The following SVOP variants were observed in gnomAD, a reference collection of about 807,000 sequenced individuals.
SVOP encodes SV2 related protein.
SVOP carries 17 observed loss-of-function variants against 69.1 expected under a neutral mutation model. The ratio of observed to expected loss-of-function variants is 0.25; its 90% CI spans 0.17 to 0.37. The LOEUF is 0.37. SVOP is among the 10% of genes least tolerant of loss of function. The probability of loss-of-function intolerance (pLI) is 1.00; values close to 1 mark genes in which losing one functional copy is unlikely to be tolerated. For synonymous variants in SVOP, 238 were observed against 238.6 expected, an observed-to-expected ratio of 1.00 and a Z score of 0.02; for missense variants, 435 against 597.5, an observed-to-expected ratio of 0.73 and a Z score of 2.84.
intron 1 of SVOP, among the ~76,000 whole-genome samples, chr12:109,001,000 T>A (rs1032764861): frequency 1.3e-5 from 2 of 151,604 alleles, no homozygotes; most frequent in African/African-American, 4.9e-5. Context: ...GGTATTCAAT[T>A]AGGAAAAGAG....
In SVOP at chr12:109,018,010, G is replaced by A. The variant is rs558284969; in HGVS notation, c.35+2824C>T. On this transcript the variant is annotated intron_variant, in intron 1 of 15. Coordinates refer to ENST00000610966, the MANE Select transcript of SVOP (RefSeq NM_018711.5). ...ATTGGACATTGCAGCTCTAGATTGC[G>A]AGGTGCTTAAGCGCAAGAACCATTC... Among the ~76,000 whole-genome samples the A allele has an allele frequency of 1.0e-3, 153 of 152,180 alleles. 4 individuals carry two copies. The highest frequency in any genetic ancestry group is 3.4e-3 in the Middle Eastern group (1 of 294).
intron 6 of SVOP, among the ~76,000 whole-genome samples, chr12:108,952,381 T>C (rs1593188662): frequency 6.6e-6 from 1 of 151,844 alleles, no homozygotes. Flanking sequence ...ATTACAGGTG[T>C]GCACCACCAC....
At chr12:108,972,929 T>C (rs1048718142) in intron 4 of SVOP, among the ~76,000 whole-genome samples, 5 of 152,138 alleles carry the variant, frequency 3.3e-5, no homozygotes, top group Admixed American at 6.5e-5. Flanking sequence ...AAACCACTCA[T>C]TGTGTGGGAG....
intron 14 of SVOP, among the ~76,000 whole-genome samples, chr12:108,917,781 T>C (rs2039722981): frequency 6.6e-6 from 1 of 152,146 alleles, no homozygotes; most frequent in African/African-American, 2.4e-5. Context: ...TAGCTGGAAC[T>C]ACAGGTGTGC....
intron 1 of SVOP, among the ~76,000 whole-genome samples, chr12:108,988,618 T>C (rs1370864007): frequency 6.6e-6 from 1 of 152,202 alleles, no homozygotes; most frequent in African/African-American, 2.4e-5. Context: ...CCCAAGTAAG[T>C]AGTAGTAAGT....
At chr12:108,922,620 G>A in intron 12 of SVOP, 70 bp downstream of exon 12, 2 of 1,179,952 alleles carry the variant, frequency 1.7e-6, no homozygotes, top group Non-Finnish European at 2.5e-6. Flanking sequence ...GGTAGACAGA[G>A]CCACCAGCTG....
chr12:108,909,359 T>C lies in SVOP; in HGVS notation c.*3176A>G, dbSNP rs58655386. On this transcript the variant is annotated 3_prime_UTR_variant, in exon 16 of 16. Coordinates refer to ENST00000610966, the MANE Select transcript of SVOP (RefSeq NM_018711.5). ...GGTGAAACCTTGTCTATACTAAAAATACAAAAATTAGCCAAGCATCAAGGC... is the reference window on the plus strand; with the variant it reads ...GGTGAAACCTTGTCTATACTAAAAACACAAAAATTAGCCAAGCATCAAGGC... 1 of 150,986 alleles carries C rather than the reference T, an allele frequency of 6.6e-6. No homozygotes were observed. Among genetic ancestry groups the C allele is most frequent in the African/African-American group, 2.4e-5 (1 of 40,912 alleles). 9.4% of individuals were successfully genotyped at this position (150,986 alleles called of 1,614,324 possible).
At chr12:108,973,266 C>A (rs2040089052) in intron 4 of SVOP, among the ~76,000 whole-genome samples, 1 of 152,158 alleles carries the variant, frequency 6.6e-6, no homozygotes, top group South Asian at 2.1e-4. Context: ...GAGGGGAGGG[C>A]ACAGATTCAG....
chr12:108,942,787 C>T lies in SVOP; in HGVS notation c.643-1878G>A, dbSNP rs371433082. 3.1e-4 allele frequency among the ~76,000 whole-genome samples: 47 copies of T among 152,306 alleles called. No individual in the cohort carries two copies. The East Asian group carries it at 5.4e-3, about 18-fold the overall frequency. On this transcript the variant is annotated intron_variant, in intron 7 of 15. Transcript: ENST00000610966. Reference sequence around the variant, plus strand: ...TTTGTTTGTTGTTGTTGTTTTGAGACGGAGTCTCACTCTGTTGCCCAGGCT... The same window carrying T: ...TTTGTTTGTTGTTGTTGTTTTGAGATGGAGTCTCACTCTGTTGCCCAGGCT...
At position 109,016,830 on chromosome 12, in the gene SVOP, A is replaced by G. The variant is rs1593212128; in HGVS notation, c.35+4004T>C. 1.3e-5 allele frequency among the ~76,000 whole-genome samples: 2 copies of G among 149,240 alleles called. 1 individual carries two copies. Among genetic ancestry groups the G allele is most frequent in the Middle Eastern group, 6.4e-3 (2 of 314 alleles). ...TGATCATGGCTCATTGCAGCCTTGA[A>G]CCCCCAGGCTCAAGCAATCCTCCTG... On this transcript the variant is annotated intron_variant, in intron 1 of 15. Transcript: ENST00000610966.
intron 5 of SVOP, among the ~76,000 whole-genome samples, chr12:108,963,955 C>T (rs2040031293): frequency 6.6e-6 from 1 of 152,188 alleles, no homozygotes; most frequent in African/African-American, 2.4e-5. Flanking sequence ...TGTTATTGAT[C>T]TTCCAATTAA....
intron 1 of SVOP, among the ~76,000 whole-genome samples, chr12:109,012,925 G>T (rs1320011868): frequency 6.6e-6 from 1 of 152,162 alleles, no homozygotes; most frequent in African/African-American, 2.4e-5. Context: ...GTGAGAGCCT[G>T]TCTTAAAAAA....
intron 1 of SVOP, among the ~76,000 whole-genome samples, chr12:109,000,041 A>T (rs1196115937): frequency 4.3e-4 from 65 of 151,878 alleles, no homozygotes; most frequent in Non-Finnish European, 4.7e-4. Context: ...TTTTGAAAGG[A>T]TCAACAAAAT....
At chr12:108,937,366 T>C (rs547326879) in intron 9 of SVOP, 29 bp from the exon 10 acceptor site, 1 of 1,609,448 alleles carries the variant, frequency 6.2e-7, no homozygotes, top group South Asian at 1.1e-5. Flanking sequence ...ATAGTGTTTA[T>C]TCTCTCCCCT....
At position 109,021,029 on chromosome 12, in the gene SVOP, C is replaced by T. The variant is rs1322140499; in HGVS notation, c.-161G>A. 1.3e-5 allele frequency: 7 copies of T among 551,048 alleles called. No homozygotes were observed. Among genetic ancestry groups the T allele is most frequent in the African/African-American group, 9.8e-5 (5 of 51,172 alleles). The allele number at this position is 551,048 out of a possible 1,614,324, so 34.1% of individuals were successfully genotyped here. On this transcript the variant is annotated 5_prime_UTR_variant, in exon 1 of 16. In the 5' UTR this introduces an upstream ATG that the reference lacks. Transcript: ENST00000610966. Reference sequence around the variant, plus strand: ...GAGGGAGCCGCTGGGGACCAGCCCACGAGACAAAGCCTCCGCCGCCAGGAG... The same window carrying T: ...GAGGGAGCCGCTGGGGACCAGCCCATGAGACAAAGCCTCCGCCGCCAGGAG...
At chr12:108,925,372 T>C (rs971326525) in intron 11 of SVOP, among the ~76,000 whole-genome samples, 1 of 152,188 alleles carries the variant, frequency 6.6e-6, no homozygotes, top group Non-Finnish European at 1.5e-5. Flanking sequence ...GTCTGAGCCA[T>C]CGTCAACCAT....
At position 109,021,004 on chromosome 12, in the gene SVOP, G is replaced by A; in HGVS notation, c.-136C>T. The A allele has an allele frequency of 1.7e-6, 1 of 587,472 alleles. No homozygotes were observed. Among genetic ancestry groups the A allele is most frequent in the Non-Finnish European group, 3.1e-6 (1 of 323,262 alleles). 36.4% of individuals were successfully genotyped at this position (587,472 alleles called of 1,614,324 possible). A position where few individuals can be genotyped will look rare whatever the true frequency, so the allele number is the denominator to read the frequency against. On this transcript the variant is annotated 5_prime_UTR_variant, in exon 1 of 16. Coordinates refer to ENST00000610966, the MANE Select transcript of SVOP (RefSeq NM_018711.5). ...CTCCCTGGAGCAGCAGCTGTTCGGG[G>A]AGGGAGCCGCTGGGGACCAGCCCAC...
chr12:108,956,052 G>A (rs2039983692), intron 6 of SVOP, among the ~76,000 whole-genome samples: 2 of 152,146 alleles, frequency 1.3e-5, no homozygotes, highest in Admixed American at 6.5e-5. Context: ...TGTAATCCCA[G>A]CACTTTGGGA....
chr12:108,971,587 A>G (rs147801543), intron 5 of SVOP, among the ~76,000 whole-genome samples: 104,500 of 151,514 alleles, frequency 0.69, 36,551 homozygotes, highest in South Asian at 0.79. Flanking sequence ...ATCATGTCTG[A>G]GCTCTCCCAA....
Sources: allele counts gnomAD v4.1 joint callset (sites outside exome capture counted in the v4.1 genomes callset), GRCh38; gene constraint gnomAD v4.1.1; transcripts MANE v1.5; gene names NCBI Gene and HGNC (gene_info 2026-07-23, HGNC 2026-07-21).